Variants in BSN observed in about 807,000 individuals in gnomAD.
The protein encoded by BSN is bassoon presynaptic cytomatrix protein, also known as protein bassoon.
A neutral mutation model predicts 264.8 loss-of-function variants in BSN; 57 were observed. That is an observed-to-expected ratio of 0.22 (90% CI 0.17 to 0.27). The LOEUF (loss-of-function observed/expected upper bound fraction) is 0.27, where lower values mean the gene tolerates loss of function less well. Ranked by LOEUF, BSN falls within the 10% of genes least tolerant of loss-of-function variation. The probability of loss-of-function intolerance (pLI) is 1.00; values close to 1 mark genes in which losing one functional copy is unlikely to be tolerated. For synonymous variants in BSN, 2,059 were observed against 2,137.3 expected, an observed-to-expected ratio of 0.96 and a Z score of 1.01; for missense variants, 4,615 against 5,232.5, an observed-to-expected ratio of 0.88 and a Z score of 3.64.
intron 3 of BSN, among the ~76,000 whole-genome samples, chr3:49,649,731 A>G (rs1352480777): frequency 1.3e-5 from 2 of 152,230 alleles, no homozygotes; most frequent in Non-Finnish European, 2.9e-5. Context: ...GGCTCCAGAA[A>G]GGCTGCATGC....
intron 1 of BSN, among the ~76,000 whole-genome samples, chr3:49,606,103 A>ATAATATATATGTATATATT: frequency 2.8e-5 from 1 of 35,520 alleles, no homozygotes. Flanking sequence ...TATAACATAT[A>ATAATATATATGTATATATT]ATATATAATA....
chr3:49,660,236 G>C lies in BSN; in HGVS notation c.8641-250G>C, dbSNP rs548820495. Among the ~76,000 whole-genome samples, 3 of 152,240 alleles carry C rather than the reference G, an allele frequency of 2.0e-5. No individual in the cohort carries two copies. The South Asian group carries it at 6.2e-4, about 32-fold the overall frequency. On this transcript the variant is annotated intron_variant, in intron 5 of 11. Transcript: ENST00000296452. This position sits in a 1 kb window ranked among gnomAD's most constrained non-coding sequence, Gnocchi z 7.1. ...ACATTGGCATGAAGGGAATCTGCCC[G>C]TACCCTCCTGCTTCCCAAAGCTCTG... is the stretch of plus-strand genomic sequence containing the variant.
intron 3 of BSN, among the ~76,000 whole-genome samples, chr3:49,643,839 C>T (rs1303105497): frequency 6.6e-6 from 1 of 152,180 alleles, no homozygotes; most frequent in Non-Finnish European, 1.5e-5. Flanking sequence ...GGGGTTGTGG[C>T]CATTCTCTCC....
chr3:49,655,418 C>G lies in BSN; in HGVS notation c.5862C>G (p.Thr1954=). 1 of 1,570,000 alleles carries G rather than the reference C, an allele frequency of 6.4e-7. No individual in the cohort carries two copies. Among genetic ancestry groups the G allele is most frequent in the Non-Finnish European group, 8.6e-7 (1 of 1,157,710 alleles). Residue 1954 remains threonine (T), a synonymous_variant, in exon 5 of 12, where the codon ACC becomes ACG. Transcript: ENST00000296452. ...PRDPEPPEPP[T]YRAQGVVGPG... is the part of the protein sequence containing the mutation. ...ACCCTGAGCCTCCTGAGCCCCCAAC[C>G]TACCGGGCACAGGGGGTGGTGGGGC...
At chr3:49,591,072 A>G (rs2051973415) in intron 1 of BSN, among the ~76,000 whole-genome samples, 1 of 148,904 alleles carries the variant, frequency 6.7e-6, no homozygotes. Context: ...CTCCATCTCA[A>G]AAAAAAAAAA....
chr3:49,633,020 A>G (rs1021782475), intron 2 of BSN, among the ~76,000 whole-genome samples: 2 of 152,200 alleles, frequency 1.3e-5, no homozygotes, highest in Non-Finnish European at 2.9e-5. Context: ...AAGATACTCA[A>G]CATAGGTCGG....
At position 49,589,646 on chromosome 3, in the gene BSN, A is replaced by G. The variant is rs148378611; in HGVS notation, c.224+34820A>G. Among the ~76,000 whole-genome samples the G allele has an allele frequency of 4.8e-3, 719 of 149,936 alleles. 8 individuals carry two copies. The highest frequency in any genetic ancestry group is 0.017 in the African/African-American group (680 of 40,798). ...CTCAGCCTCCCAAGTAGCTGTGACTACAGGCGCATGCCACCACGCCCGGCT... is the reference window on the plus strand; with the variant it reads ...CTCAGCCTCCCAAGTAGCTGTGACTGCAGGCGCATGCCACCACGCCCGGCT... On this transcript the variant is annotated intron_variant, in intron 1 of 11. Coordinates refer to ENST00000296452, the MANE Select transcript of BSN (RefSeq NM_003458.4).
chr3:49,589,751 A>AC (rs2108023023), intron 1 of BSN, among the ~76,000 whole-genome samples: 1 of 150,622 alleles, frequency 6.6e-6, no homozygotes, highest in East Asian at 2.0e-4. Flanking sequence ...AGGCGATCCA[A>AC]CAGCCTTTGG....
intron 1 of BSN, among the ~76,000 whole-genome samples, chr3:49,583,336 C>T (rs1047433676): frequency 1.3e-5 from 2 of 152,152 alleles, no homozygotes; most frequent in African/African-American, 2.4e-5. Flanking sequence ...GAAGGATGTA[C>T]AATACTTCTA....
At chr3:49,624,233 C>G (rs963301843) in intron 1 of BSN, among the ~76,000 whole-genome samples, 1 of 151,744 alleles carries the variant, frequency 6.6e-6, no homozygotes, top group Non-Finnish European at 1.5e-5. Context: ...GATCTCCCGA[C>G]CTCTTGATGT....
chr3:49,639,856 T>G (rs2052447098), intron 2 of BSN, among the ~76,000 whole-genome samples: 1 of 152,368 alleles, frequency 6.6e-6, no homozygotes, highest in East Asian at 1.9e-4. Flanking sequence ...AATGAGAGAA[T>G]GCCTGTGAAC....
chr3:49,643,588 G>T (rs1051464902), intron 3 of BSN, among the ~76,000 whole-genome samples: 4 of 152,194 alleles, frequency 2.6e-5, no homozygotes, highest in East Asian at 1.9e-4. Flanking sequence ...CATCCAGGGT[G>T]GGGTGGGAGG....
At chr3:49,619,229 G>A (rs1042266925) in intron 1 of BSN, among the ~76,000 whole-genome samples, 1 of 152,218 alleles carries the variant, frequency 6.6e-6, no homozygotes, top group Non-Finnish European at 1.5e-5. Context: ...TCATTCTACT[G>A]TTCACACATT....
intron 3 of BSN, among the ~76,000 whole-genome samples, chr3:49,644,600 A>G (rs1010267043): frequency 6.6e-6 from 1 of 152,112 alleles, no homozygotes; most frequent in Non-Finnish European, 1.5e-5. Context: ...GCTCGGGGAA[A>G]GGGGTGCACC....
rs760159410 is a variant in BSN, at chr3:49,656,748, C to T, written c.7192C>T (p.Arg2398Cys). 13 of 1,577,102 alleles carry T rather than the reference C, an allele frequency of 8.2e-6. No individual in the cohort carries two copies. The highest frequency in any genetic ancestry group is 5.8e-5 in the South Asian group (5 of 86,768). ...GCTGCAAGAGGAGCTAGAGCGGGAA[C>T]GTGTGGAGCTGCAGAGGCACCGTGA... The part of the protein sequence containing the change: ...LRLQEELERE[R>C]VELQRHREEE... Residue 2398 changes from arginine (R) to cysteine (C), a missense_variant, in exon 5 of 12, where the codon CGT (arginine) becomes TGT (cysteine). Arg to Cys is a radical substitution (Grantham distance 180). Around this residue, in one of 3 missense-constraint regions of BSN, gnomAD observed 3,415 missense variants for 3,866.4 expected, o/e 0.88. Coordinates refer to ENST00000296452, the MANE Select transcript of BSN (RefSeq NM_003458.4).
At chr3:49,586,748 A>C (rs1387332128) in intron 1 of BSN, among the ~76,000 whole-genome samples, 1 of 152,156 alleles carries the variant, frequency 6.6e-6, no homozygotes, top group African/African-American at 2.4e-5. Context: ...TGGGTTTTCT[A>C]TTCTGTTCCA....
At position 49,653,886 on chromosome 3, in the gene BSN, G is replaced by A. The variant is rs775011594; in HGVS notation, c.4330G>A (p.Ala1444Thr). The A allele has an allele frequency of 4.3e-5, 69 of 1,613,950 alleles. No individual in the cohort carries two copies. The highest frequency in any genetic ancestry group is 4.5e-5 in the Non-Finnish European group (53 of 1,179,982). ...DLPQAPSGLA[A>T]AGRAAREKPL... ...ACCCCAGGCCCCCAGTGGCCTTGCT[G>A]CAGCTGGACGAGCTGCTAGAGAGAA... The change falls in exon 5 of 12, where the codon GCA becomes ACA. Residue 1444 changes from alanine (A) to threonine (T), a missense_variant. Transcript: ENST00000296452. The surrounding 1 kb of genome is among the most constrained non-coding windows in gnomAD (Gnocchi z 6.3).
chr3:49,561,636 ATAT>A (rs757874066), intron 1 of BSN, among the ~76,000 whole-genome samples: 7 of 152,192 alleles, frequency 4.6e-5, no homozygotes, highest in Non-Finnish European at 8.8e-5. Context: ...ATATTATGAC[ATAT>A]TATGGAATGG....
intron 1 of BSN, among the ~76,000 whole-genome samples, chr3:49,588,639 C>G (rs1022148209): frequency 6.6e-6 from 1 of 152,080 alleles, no homozygotes; most frequent in Non-Finnish European, 1.5e-5. Flanking sequence ...CATTTTAATT[C>G]CTCTCAAAGT....
Sources: gnomAD v4.1 joint callset for allele counts (sites outside exome capture counted in the v4.1 genomes callset) on GRCh38, gnomAD v4.1.1 for gene constraint, gnomAD v4.1.1 regional missense constraint, Gnocchi (gnomAD v3.1) non-coding constraint, MANE v1.5 for transcripts, NCBI Gene and HGNC (gene_info 2026-07-23, HGNC 2026-07-21) for gene names.